MTF2: variants seen among roughly 807,000 people sequenced by gnomAD.
The protein encoded by MTF2 is metal-response element-binding transcription factor 2.
Under a neutral mutation model 79.5 loss-of-function variants are expected in MTF2, and 11 were observed. That is an observed-to-expected ratio of 0.14 (90% CI 0.09 to 0.23). The LOEUF is 0.23. MTF2 is among the 10% of genes least tolerant of loss of function. The pLI is 1.00. For synonymous variants in MTF2, 208 were observed against 232.8 expected, an observed-to-expected ratio of 0.89 and a Z score of 0.97; for missense variants, 486 against 711.2, an observed-to-expected ratio of 0.68 and a Z score of 3.60.
chr1:93,128,242 CCTTT>C (rs1656777853), intron 10 of MTF2, among the ~76,000 whole-genome samples: 1 of 152,008 alleles, frequency 6.6e-6, no homozygotes, highest in African/African-American at 2.4e-5. Context: ...TGAGGGATCC[CCTTT>C]CTTAAACCTG....
chr1:93,115,296 A>C (rs1656205091), intron 5 of MTF2, among the ~76,000 whole-genome samples, 174 bp from the exon 6 acceptor site: 1 of 152,244 alleles, frequency 6.6e-6, no homozygotes, highest in Admixed American at 6.5e-5. Flanking sequence ...GAATTGGTGC[A>C]GTAATTTGAA....
chr1:93,127,726 AAAT>A (rs1656755500), intron 10 of MTF2, among the ~76,000 whole-genome samples: 3 of 152,174 alleles, frequency 2.0e-5, no homozygotes, highest in Non-Finnish European at 4.4e-5. Context: ...TAGTTACAGA[AAAT>A]AATATTTCTA....
At position 93,085,138 on chromosome 1, in the gene MTF2, C is replaced by G. The variant is rs548013867; in HGVS notation, c.5+5607C>G. On this transcript the variant is annotated intron_variant, in intron 1 of 14. Transcript: ENST00000370298. ...TACTTTTAAAATTTCAAAGCATTGT[C>G]ATTATAGTATAGTTATGGATCCTAA... is the stretch of plus-strand genomic sequence containing the variant. Among the ~76,000 whole-genome samples the G allele has an allele frequency of 5.7e-4, 87 of 151,790 alleles. 1 individual carries two copies. The highest frequency in any genetic ancestry group is 1.5e-3 in the African/African-American group (64 of 41,446).
At chr1:93,116,808 T>A (rs776837081) in intron 6 of MTF2, among the ~76,000 whole-genome samples, 1 of 152,150 alleles carries the variant, frequency 6.6e-6, no homozygotes, top group Non-Finnish European at 1.5e-5. Context: ...GCCCCCACTG[T>A]AAGATTATTA....
chr1:93,114,723 T>C lies in MTF2; in HGVS notation c.322T>C (p.Cys108Arg). ...TGSGEMVCTICQEEYSEAPNE... is the reference protein window; with the variant it reads ...TGSGEMVCTIRQEEYSEAPNE... The stretch of plus-strand genomic sequence containing the variant: ...AAGTGGGGAAATGGTCTGTACAATA[T>C]GTCAAGAAGAGTATTCAGAAGCTCC... The change falls in exon 4 of 15, where the codon TGT becomes CGT. Residue 108 changes from cysteine to arginine, a missense_variant. Physicochemically the swap from Cys to Arg is radical, Grantham distance 180. Transcript: ENST00000370298. The C allele has an allele frequency of 6.2e-7, 1 of 1,612,522 alleles. No homozygotes were observed. The highest frequency in any genetic ancestry group is 8.5e-7 in the Non-Finnish European group (1 of 1,179,392).
intron 1 of MTF2, among the ~76,000 whole-genome samples, chr1:93,105,169 A>G (rs192152852): frequency 6.7e-6 from 1 of 149,344 alleles, no homozygotes; most frequent in East Asian, 1.9e-4. Flanking sequence ...AAAGAGACAG[A>G]CATTCCCTGT....
In MTF2 at chr1:93,137,943, A is replaced by C. The variant is rs1308277220; in HGVS notation, c.*916A>C. ...TCAAATAATATGAACATTATCTCCT[A>C]CTAGAAGTAACGTTTTCAAGTTTTC... On this transcript the variant is annotated 3_prime_UTR_variant, in exon 15 of 15. Transcript: ENST00000370298. The C allele has an allele frequency of 6.6e-6, 1 of 152,214 alleles. No individual in the cohort carries two copies. The highest frequency in any genetic ancestry group is 1.5e-5 in the Non-Finnish European group (1 of 68,024). 9.4% of individuals were successfully genotyped at this position (152,214 alleles called of 1,614,324 possible).
chr1:93,120,142 C>T (rs1187106813), intron 8 of MTF2: 1 of 152,846 alleles, frequency 6.5e-6, no homozygotes, highest in Non-Finnish European at 1.5e-5. Flanking sequence ...AAAATTTAGC[C>T]TAGCGTGGTG....
In MTF2 at chr1:93,079,503, G is replaced by T; in HGVS notation, c.-24G>T. 1.2e-6 allele frequency: 2 copies of T among 1,613,960 alleles called. No individual in the cohort carries two copies. Among genetic ancestry groups the T allele is most frequent in the Non-Finnish European group, 8.5e-7 (1 of 1,179,998 alleles). ...TTGGTTGTTTTTTCCTGTATGAAGCGGTTGGCACCACTGAAGTGACCGAAT... is the reference window on the plus strand; with the variant it reads ...TTGGTTGTTTTTTCCTGTATGAAGCTGTTGGCACCACTGAAGTGACCGAAT... On this transcript the variant is annotated 5_prime_UTR_variant, in exon 1 of 15. Transcript: ENST00000370298.
rs1647516203 is a variant in MTF2 at position 93,138,930 on chromosome 1, G to C, written c.*1903G>C. On this transcript the variant is annotated 3_prime_UTR_variant, in exon 15 of 15. Coordinates refer to ENST00000370298, the MANE Select transcript of MTF2 (RefSeq NM_007358.4). ...TACTTGGAAGATGATTTATCCAGCTGAACTGTCTTTAGACGTAATTATTGT... is the reference window on the plus strand; with the variant it reads ...TACTTGGAAGATGATTTATCCAGCTCAACTGTCTTTAGACGTAATTATTGT... The C allele has an allele frequency of 6.6e-6, 1 of 152,148 alleles. No individual in the cohort carries two copies. The allele number at this position is 152,148 out of a possible 1,614,324, so 9.4% of individuals were successfully genotyped here. A position where few individuals can be genotyped will look rare whatever the true frequency, so the allele number is the denominator to read the frequency against.
intron 6 of MTF2, among the ~76,000 whole-genome samples, chr1:93,116,790 C>T (rs1406756676): frequency 6.6e-6 from 1 of 152,122 alleles, no homozygotes; most frequent in South Asian, 2.1e-4. Flanking sequence ...GCATGATCAC[C>T]ACGCCTGGCC....
chr1:93,083,132 C>G (rs1360910294), intron 1 of MTF2, among the ~76,000 whole-genome samples: 2 of 152,164 alleles, frequency 1.3e-5, no homozygotes, highest in African/African-American at 2.4e-5. Context: ...CAGGAAACTT[C>G]CTGTTGAAGT....
At chr1:93,121,927 A>T (rs539586313) in intron 9 of MTF2, 2 of 216,632 alleles carry the variant, frequency 9.2e-6, no homozygotes, top group African/African-American at 4.7e-5. Context: ...TTAGCCTCCT[A>T]AGTAGCTGGG....
intron 8 of MTF2, chr1:93,120,049 G>A (rs189960222): frequency 0.015 from 2,313 of 152,482 alleles, 28 homozygotes; most frequent in Non-Finnish European, 0.023. Context: ...TTGGGAGGCC[G>A]AGGTGGGTGG....
chr1:93,079,632 A>T, intron 1 of MTF2, 101 bp downstream of exon 1: 4 of 1,384,528 alleles, frequency 2.9e-6, no homozygotes, highest in Admixed American at 1.8e-5. Flanking sequence ...ATGGAGGACC[A>T]AGGTGGGGGT....
intron 9 of MTF2, among the ~76,000 whole-genome samples, chr1:93,124,215 G>C (rs1254991803): frequency 6.6e-6 from 1 of 151,998 alleles, no homozygotes; most frequent in East Asian, 1.9e-4. Flanking sequence ...CATATAGATT[G>C]AGTGTAGCTG....
chr1:93,118,339 T>A lies in MTF2; in HGVS notation c.633-6T>A. 9 of 1,568,554 alleles carry A rather than the reference T, an allele frequency of 5.7e-6. No individual in the cohort carries two copies. Among genetic ancestry groups the A allele is most frequent in the Non-Finnish European group, 6.9e-6 (8 of 1,159,006 alleles). On this transcript the variant is annotated splice_polypyrimidine_tract_variant and splice_region_variant and intron_variant, in intron 6 of 14. Transcript: ENST00000370298. ...TTAGTGTTAACTTTTTTGTTTTTTT[T>A]AATAGCTGGTATTTGAAGATGCTAC...
chr1:93,130,154 G>C (rs923211051), intron 11 of MTF2, among the ~76,000 whole-genome samples: 2 of 152,216 alleles, frequency 1.3e-5, no homozygotes, highest in African/African-American at 4.8e-5. Flanking sequence ...AAATGAGGAT[G>C]AGAGAGTAGC....
At chr1:93,094,566 T>C (rs1035143999) in intron 1 of MTF2, among the ~76,000 whole-genome samples, 4 of 152,202 alleles carry the variant, frequency 2.6e-5, no homozygotes, top group African/African-American at 9.6e-5. Flanking sequence ...CCAGGTCATT[T>C]GTCATGTGCA....
Sources: gnomAD v4.1 joint callset for allele counts (sites outside exome capture counted in the v4.1 genomes callset) on GRCh38, gnomAD v4.1.1 for gene constraint, MANE v1.5 for transcripts, NCBI Gene and HGNC (gene_info 2026-07-23, HGNC 2026-07-21) for gene names.